SHANK2: variants seen among roughly 807,000 people sequenced by gnomAD.
The protein encoded by SHANK2 is SH3 and multiple ankyrin repeat domains 2.
Under a neutral mutation model 133.7 loss-of-function variants are expected in SHANK2, and 43 were observed. The observed-to-expected ratio is 0.32, with a 90% CI of 0.25 to 0.41. The LOEUF is 0.41. SHANK2 is among the 10% of genes least tolerant of loss of function. The probability of loss-of-function intolerance (pLI) is 1.00; values close to 1 mark genes in which losing one functional copy is unlikely to be tolerated. For missense variants in SHANK2, 1,994 were observed against 2,235.8 expected (o/e 0.89, Z 2.18); for synonymous variants, 1,017 against 952.8 (o/e 1.07, Z -1.24).
At chr11:71,107,484 G>A (rs1380095335) in intron 6 of SHANK2, among the ~76,000 whole-genome samples, 1 of 152,156 alleles carries the variant, frequency 6.6e-6, no homozygotes, top group Non-Finnish European at 1.5e-5. Flanking sequence ...TGTCATCGTG[G>A]GAATATTTCA....
chr11:70,912,962 C>A (rs1370731380), intron 10 of SHANK2, among the ~76,000 whole-genome samples: 6 of 151,998 alleles, frequency 3.9e-5, no homozygotes, highest in Non-Finnish European at 8.8e-5. Context: ...GGAAAACTGT[C>A]TTATTTCCTT....
chr11:70,562,544 C>T (rs2059919227), intron 17 of SHANK2, among the ~76,000 whole-genome samples: 1 of 152,110 alleles, frequency 6.6e-6, no homozygotes, highest in East Asian at 1.9e-4. Flanking sequence ...TGTTAACATT[C>T]TTTGTTCTAA....
intron 17 of SHANK2, among the ~76,000 whole-genome samples, chr11:70,605,330 G>A (rs1827786876): frequency 6.6e-6 from 1 of 152,238 alleles, no homozygotes; most frequent in African/African-American, 2.4e-5. Flanking sequence ...AGACAGCCTG[G>A]CTGGCCACGC....
At chr11:70,769,241 C>T (rs1472906104) in intron 14 of SHANK2, among the ~76,000 whole-genome samples, 1 of 152,170 alleles carries the variant, frequency 6.6e-6, no homozygotes, top group Non-Finnish European at 1.5e-5. Flanking sequence ...AGGGCCCGTG[C>T]TCCTGGCAGT....
intron 11 of SHANK2, among the ~76,000 whole-genome samples, chr11:70,831,006 A>G (rs1555058281): frequency 6.6e-6 from 1 of 152,238 alleles, no homozygotes; most frequent in Non-Finnish European, 1.5e-5. Flanking sequence ...TGCCGGCCAC[A>G]TTCCTACTGA....
At chr11:71,186,701 T>C (rs1555114515) in intron 2 of SHANK2, among the ~76,000 whole-genome samples, 1 of 152,256 alleles carries the variant, frequency 6.6e-6, no homozygotes. Context: ...AAAGTGGAGC[T>C]GCCCTCAGTG....
chr11:70,897,941 T>TACATATAC (rs1555075979), intron 10 of SHANK2, among the ~76,000 whole-genome samples: 1 of 149,188 alleles, frequency 6.7e-6, no homozygotes, highest in African/African-American at 2.5e-5. Flanking sequence ...AATATACATA[T>TACATATAC]ACACACACAC....
At chr11:70,559,767 T>C (rs575892292) in intron 17 of SHANK2, among the ~76,000 whole-genome samples, 2 of 152,236 alleles carry the variant, frequency 1.3e-5, no homozygotes, top group African/African-American at 4.8e-5. Context: ...AGTCCCCTCC[T>C]GCCCAAATGG....
intron 17 of SHANK2, among the ~76,000 whole-genome samples, chr11:70,591,305 T>C (rs2060317638): frequency 6.6e-6 from 1 of 151,248 alleles, no homozygotes; most frequent in African/African-American, 2.4e-5. Flanking sequence ...TGAGCAGAGA[T>C]CATGCCACTG....
At chr11:70,892,342 C>T (rs775853435) in intron 11 of SHANK2, among the ~76,000 whole-genome samples, 1 of 149,556 alleles carries the variant, frequency 6.7e-6, no homozygotes, top group East Asian at 2.0e-4. Context: ...GAGGAGATAC[C>T]CCTCTAACTA....
intron 10 of SHANK2, among the ~76,000 whole-genome samples, chr11:70,938,241 G>A (rs1032528360): frequency 1.1e-4 from 16 of 152,174 alleles, no homozygotes; most frequent in Non-Finnish European, 2.9e-5. Context: ...ATGTGTGGGT[G>A]TGGTGGAGGG....
chr11:70,537,581 C>T (rs1214838894), intron 17 of SHANK2, among the ~76,000 whole-genome samples: 1 of 152,218 alleles, frequency 6.6e-6, no homozygotes, highest in Non-Finnish European at 1.5e-5. Context: ...CCCTGCCACA[C>T]CTGGCTGCAG....
At chr11:71,076,904 C>T (rs1425044690) in intron 8 of SHANK2, among the ~76,000 whole-genome samples, 2 of 152,178 alleles carry the variant, frequency 1.3e-5, no homozygotes, top group Non-Finnish European at 2.9e-5. Context: ...TTCCTTCTTC[C>T]AGAGTGGGGA....
At chr11:70,846,635 C>T (rs1949001502) in intron 11 of SHANK2, among the ~76,000 whole-genome samples, 1 of 152,166 alleles carries the variant, frequency 6.6e-6, no homozygotes, top group Non-Finnish European at 1.5e-5. Flanking sequence ...TCTCAGCACT[C>T]CACAGACCCC....
At chr11:70,610,095 G>A (rs1173471888) in intron 17 of SHANK2, among the ~76,000 whole-genome samples, 3 of 151,246 alleles carry the variant, frequency 2.0e-5, no homozygotes, top group Non-Finnish European at 2.9e-5. Flanking sequence ...TCCTTTTGGG[G>A]CGGTTAACTA....
chr11:70,808,086 G>A (rs1555052416), intron 12 of SHANK2, among the ~76,000 whole-genome samples: 1 of 152,146 alleles, frequency 6.6e-6, no homozygotes, highest in African/African-American at 2.4e-5. Flanking sequence ...GATGGATGGT[G>A]GTGATGGCTG....
intron 11 of SHANK2, among the ~76,000 whole-genome samples, chr11:70,857,527 C>A (rs1464515695): frequency 6.6e-6 from 1 of 152,170 alleles, no homozygotes; most frequent in East Asian, 1.9e-4. Flanking sequence ...AGTGGCCTCA[C>A]TTCCTGATAA....
chr11:70,491,100 C>T (rs2058880973), intron 22 of SHANK2, among the ~76,000 whole-genome samples: 1 of 152,240 alleles, frequency 6.6e-6, no homozygotes. Context: ...TTCGCTTCCC[C>T]AGGCTGTTGT....
At chr11:70,937,746 A>C (rs1950591400) in intron 10 of SHANK2, among the ~76,000 whole-genome samples, 1 of 151,798 alleles carries the variant, frequency 6.6e-6, no homozygotes, top group African/African-American at 2.4e-5. Context: ...TGGAGAAAAA[A>C]GGTCTAGGTC....
Sources: allele counts gnomAD v4.1 joint callset (sites outside exome capture counted in the v4.1 genomes callset), GRCh38; gene constraint gnomAD v4.1.1; transcripts MANE v1.5; gene names NCBI Gene and HGNC (gene_info 2026-07-23, HGNC 2026-07-21).